The following SNRPN variants were observed in gnomAD, a reference collection of about 807,000 sequenced individuals.
SNRPN encodes the protein small nuclear ribonucleoprotein polypeptide N, also known as small nuclear ribonucleoprotein-associated protein N.
SNRPN carries 7 observed loss-of-function variants against 25.2 expected under a neutral mutation model. The ratio of observed to expected loss-of-function variants is 0.28; its 90% CI spans 0.16 to 0.52. SNRPN has a LOEUF of 0.52. Ranked by LOEUF, SNRPN falls within the 20% of genes least tolerant of loss-of-function variation. The pLI, the probability that SNRPN is intolerant of heterozygous loss-of-function variation, is 0.96. For missense variants in SNRPN, 196 were observed against 322.5 expected, an observed-to-expected ratio of 0.61 and a Z score of 3.00; for synonymous variants, 124 against 110.6, an observed-to-expected ratio of 1.12 and a Z score of -0.76.
intron 2 of SNRPN, among the ~76,000 whole-genome samples, chr15:24,900,846 A>G (rs1349568646): frequency 6.6e-6 from 1 of 152,202 alleles, no homozygotes; most frequent in Non-Finnish European, 1.5e-5. Context: ...CTATAATCCC[A>G]GCACTTTGGA....
At chr15:24,863,686 T>C (rs1160093502) in intron 1 of SNRPN, among the ~76,000 whole-genome samples, 1 of 150,846 alleles carries the variant, frequency 6.6e-6, no homozygotes, top group African/African-American at 2.5e-5. Flanking sequence ...TTTGTATATG[T>C]TTGCCTAATC....
At chr15:24,827,132 A>T (rs1361728445) in intron 1 of SNRPN, among the ~76,000 whole-genome samples, 2 of 152,086 alleles carry the variant, frequency 1.3e-5, no homozygotes, top group African/African-American at 4.8e-5. Flanking sequence ...ATTTTGCAGG[A>T]CCGGAAGTTC....
At chr15:24,843,439 A>G (rs2051872407) in intron 2 of SNRPN, among the ~76,000 whole-genome samples, 1 of 152,202 alleles carries the variant, frequency 6.6e-6, no homozygotes, top group Non-Finnish European at 1.5e-5. Flanking sequence ...CTTGAGGCCA[A>G]CAGTTCAAGA....
intron 2 of SNRPN, among the ~76,000 whole-genome samples, chr15:24,845,952 G>A: frequency 6.6e-6 from 1 of 152,000 alleles, no homozygotes; most frequent in East Asian, 1.9e-4. Flanking sequence ...GAGCGTGGTG[G>A]CAAGCGCCTG....
At chr15:24,955,365 G>T (rs2062668927) in intron 1 of SNRPN, among the ~76,000 whole-genome samples, 1 of 151,988 alleles carries the variant, frequency 6.6e-6, no homozygotes, top group African/African-American at 2.4e-5. Context: ...GGAGCATGCG[G>T]GGTAACCGCA....
intron 2 of SNRPN, among the ~76,000 whole-genome samples, chr15:24,913,309 T>C (rs2059326789): frequency 6.6e-6 from 1 of 151,962 alleles, no homozygotes; most frequent in South Asian, 2.1e-4. Context: ...GGAGGAAAAA[T>C]ATTCTATCTC....
chr15:24,918,380 C>G (rs1322333087), intron 2 of SNRPN, among the ~76,000 whole-genome samples: 1 of 107,308 alleles, frequency 9.3e-6, no homozygotes, highest in Non-Finnish European at 1.9e-5. Context: ...ATATATATAA[C>G]ATAATATATA....
At chr15:24,939,915 A>G (rs1488101783) in intron 3 of SNRPN, among the ~76,000 whole-genome samples, 2 of 151,634 alleles carry the variant, frequency 1.3e-5, no homozygotes, top group Non-Finnish European at 2.9e-5. Context: ...TCAGCCTCAC[A>G]AGTAACTGGG....
chr15:24,850,900 CT>C (rs1473260352), intron 2 of SNRPN: 2 of 151,976 alleles, frequency 1.3e-5, no homozygotes, highest in African/African-American at 4.8e-5. Context: ...GAAACCATAT[CT>C]GTGAGGAGTT....
chr15:24,849,886 G>A (rs1449901245), intron 2 of SNRPN: 3 of 152,138 alleles, frequency 2.0e-5, no homozygotes. Flanking sequence ...AAATTATAAA[G>A]GCATAAGATT....
chr15:24,855,727 G>A (rs766814972), upstream of SNRPN, among the ~76,000 whole-genome samples: 1 of 148,852 alleles, frequency 6.7e-6, no homozygotes, highest in South Asian at 2.1e-4. Context: ...AGGAGGAGGA[G>A]GTTGCAGTGA....
At chr15:24,974,757 CTG>C in intron 4 of SNRPN, 1 of 610,472 alleles carries the variant, frequency 1.6e-6, no homozygotes, top group East Asian at 2.7e-5. Context: ...CAGGGTTTCA[CTG>C]TGTTGGCCAG....
chr15:24,830,887 T>G (rs2050459370), intron 2 of SNRPN, among the ~76,000 whole-genome samples: 1 of 152,056 alleles, frequency 6.6e-6, no homozygotes, highest in Non-Finnish European at 1.5e-5. Context: ...TTGAGTTCAA[T>G]GTGTATTCTG....
At chr15:24,972,030 C>G (rs1428640178) in intron 3 of SNRPN, among the ~76,000 whole-genome samples, 1 of 152,032 alleles carries the variant, frequency 6.6e-6, no homozygotes, top group Admixed American at 6.6e-5. Flanking sequence ...CTGAGGCCGG[C>G]AGGTCACCTG....
intron 2 of SNRPN, among the ~76,000 whole-genome samples, chr15:24,903,402 G>C (rs113312651): frequency 1.3e-5 from 2 of 152,236 alleles, no homozygotes; most frequent in East Asian, 3.9e-4. Flanking sequence ...AGGCAAAAGC[G>C]TAGAGGGTTT....
At chr15:24,867,390 G>A (rs962528004) in intron 1 of SNRPN, among the ~76,000 whole-genome samples, 4 of 77,992 alleles carry the variant, frequency 5.1e-5, no homozygotes, top group African/African-American at 7.3e-5. Context: ...TTTTTTTTTG[G>A]GGGGGACGGA....
intron 1 of SNRPN, among the ~76,000 whole-genome samples, chr15:24,885,629 A>G (rs544829729): frequency 6.6e-6 from 1 of 152,086 alleles, no homozygotes; most frequent in South Asian, 2.1e-4. Flanking sequence ...ATCATTTCCC[A>G]CACCTAAAAC....
In SNRPN at chr15:24,882,823, C is replaced by CAA. The variant is rs10543501; in HGVS notation, c.-578-3683_-578-3682dup. 1.1e-4 allele frequency among the ~76,000 whole-genome samples: 14 copies of CAA among 127,166 alleles called. 2 individuals carry two copies. The highest frequency in any genetic ancestry group is 2.0e-4 in the Non-Finnish European group (12 of 60,736). 83.4% of individuals were successfully genotyped at this position (127,166 alleles called of 152,430 possible). A position where few individuals can be genotyped will look rare whatever the true frequency, so the allele number is the denominator to read the frequency against. On this transcript the variant is annotated intron_variant, in intron 1 of 11. Transcript: ENST00000400097. ...TGGGCGACAGAGCGAGACTCCATCTCAAAAAAAAAAATATATATATATATA... is the reference window on the plus strand; with the variant it reads ...TGGGCGACAGAGCGAGACTCCATCTCAAAAAAAAAAAAATATATATATATATA...
intron 1 of SNRPN, among the ~76,000 whole-genome samples, chr15:24,874,986 G>A (rs1156269925): frequency 6.6e-6 from 1 of 152,092 alleles, no homozygotes; most frequent in African/African-American, 2.4e-5. Context: ...GTTTTTTTCA[G>A]TAATAATATA....
Sources: gnomAD v4.1 joint callset for allele counts (sites outside exome capture counted in the v4.1 genomes callset) on GRCh38, gnomAD v4.1.1 for gene constraint, MANE v1.5 for transcripts, NCBI Gene and HGNC (gene_info 2026-07-23, HGNC 2026-07-21) for gene names.